Variants in MYO10 observed in about 807,000 individuals in gnomAD.
MYO10 encodes unconventional myosin-X.
In MYO10, 133 loss-of-function variants were observed where a neutral mutation model predicts 257.3. The ratio of observed to expected loss-of-function variants is 0.52; its 90% CI spans 0.45 to 0.60. MYO10 has a LOEUF of 0.60. Among genes scored for constraint, MYO10 ranks in the 20% least tolerant of loss-of-function variants. MYO10 has a pLI of 0.00. For missense variants in MYO10, 2,399 were observed against 2,635.7 expected, an observed-to-expected ratio of 0.91 and a Z score of 1.97; for synonymous variants, 1,104 against 1,028.6, an observed-to-expected ratio of 1.07 and a Z score of -1.40.
chr5:16,798,798 A>AG, intron 3 of MYO10, among the ~76,000 whole-genome samples: 1 of 152,262 alleles, frequency 6.6e-6, no homozygotes, highest in East Asian at 1.9e-4. Context: ...GCAGCCAGGT[A>AG]GGTCAGAGGA....
chr5:16,700,906 C>A (rs1409748764), intron 25 of MYO10, 57 bp downstream of exon 25: 29 of 1,478,506 alleles, frequency 2.0e-5, no homozygotes, highest in Non-Finnish European at 2.6e-5. Flanking sequence ...GAGGATGCAA[C>A]AGGGGTGGGT....
chr5:16,686,952 T>A (rs528471098), intron 28 of MYO10, among the ~76,000 whole-genome samples: 88 of 152,270 alleles, frequency 5.8e-4, no homozygotes, highest in African/African-American at 2.0e-3. Flanking sequence ...AGTAGAAAAC[T>A]ATTTTGACCA....
At chr5:16,930,241 C>G (rs1315975588) in intron 1 of MYO10, among the ~76,000 whole-genome samples, 1 of 152,038 alleles carries the variant, frequency 6.6e-6, no homozygotes, top group African/African-American at 2.4e-5. Context: ...GAGACGGTTT[C>G]AAAAAGGAGC....
In MYO10 at chr5:16,756,959, G is replaced by A. The variant is rs951756995; in HGVS notation, c.1848+1159C>T. On this transcript the variant is annotated intron_variant, in intron 18 of 40. Transcript: ENST00000513610. The stretch of plus-strand genomic sequence containing the variant: ...CAGTAAAACATCTAAAAATTAGCCG[G>A]GTATGAAAAATTAGCCATGCGTAAT... Among the ~76,000 whole-genome samples, 6 of 151,426 alleles carry A rather than the reference G, an allele frequency of 4.0e-5. No individual in the cohort carries two copies. The Admixed American group carries it at 4.0e-4, about 10-fold the overall frequency.
At chr5:16,731,067 ACTGAGTCTCGCT>A (rs1167687229) in intron 19 of MYO10, among the ~76,000 whole-genome samples, 1 of 143,992 alleles carries the variant, frequency 6.9e-6, no homozygotes, top group African/African-American at 2.7e-5. Context: ...TTTTTTGGAG[ACTGAGTCTCGCT>A]CTGTCGCCCA....
chr5:16,852,264 AC>A (rs1173340414), intron 2 of MYO10, among the ~76,000 whole-genome samples: 8 of 151,744 alleles, frequency 5.3e-5, no homozygotes, highest in Non-Finnish European at 1.2e-4. Flanking sequence ...GCACAAAGAA[AC>A]AAAAAGTATA....
intron 1 of MYO10, among the ~76,000 whole-genome samples, chr5:16,930,863 A>ACGCTTAAT (rs1418722472): frequency 6.4e-4 from 98 of 152,278 alleles, no homozygotes; most frequent in African/African-American, 2.3e-3. Flanking sequence ...GCAAGGGGAA[A>ACGCTTAAT]CGCTTAATCC....
intron 1 of MYO10, among the ~76,000 whole-genome samples, chr5:16,926,681 G>A (rs2625184): frequency 0.45 from 68,076 of 149,982 alleles, 15,786 homozygotes; most frequent in African/African-American, 0.53. Flanking sequence ...CAGCCTGGGC[G>A]AAAGAGGAAG....
In MYO10 at chr5:16,704,584, TAAG is replaced by T. The variant is rs1446751311; in HGVS notation, c.2268_2270del (p.Phe756del). Reference sequence around the variant, plus strand: ...CCTCAGCGTGGGGTTCTTACCGTGCTAAGAAGCCCAAGACATGGGCCCGAATCA... The same window carrying T: ...CCTCAGCGTGGGGTTCTTACCGTGCTAAGCCCAAGACATGGGCCCGAATCA... On this transcript the variant is annotated inframe_deletion, in exon 22 of 41. Transcript: ENST00000513610. 1 of 1,613,750 alleles carries T rather than the reference TAAG, an allele frequency of 6.2e-7. No homozygotes were observed. The highest frequency in any genetic ancestry group is 8.5e-7 in the Non-Finnish European group (1 of 1,179,788).
intron 10 of MYO10, 35 bp from the exon 11 acceptor site, chr5:16,766,233 C>T (rs759546543): frequency 7.9e-5 from 120 of 1,528,154 alleles, no homozygotes; most frequent in Non-Finnish European, 1.0e-4. Context: ...ATGAACCCAC[C>T]GCCCCCAAGA....
Position 16,887,629 on chromosome 5 carries a change from T to C in MYO10, c.22-9922A>G, listed in dbSNP as rs988703043. On this transcript the variant is annotated intron_variant, in intron 1 of 40. Transcript: ENST00000513610. Reference sequence around the variant, plus strand: ...CCTCAGCCTCCCAAGTAGCTGGGGCTACAGGTGCGCACCACCACACTGGGC... The same window carrying C: ...CCTCAGCCTCCCAAGTAGCTGGGGCCACAGGTGCGCACCACCACACTGGGC... Among the ~76,000 whole-genome samples the C allele has an allele frequency of 3.3e-4, 50 of 152,312 alleles. 1 individual carries two copies. Among genetic ancestry groups the C allele is most frequent in the African/African-American group, 1.2e-3 (50 of 41,564 alleles).
At chr5:16,806,913 T>G (rs961040771) in intron 3 of MYO10, among the ~76,000 whole-genome samples, 1 of 152,206 alleles carries the variant, frequency 6.6e-6, no homozygotes, top group Non-Finnish European at 1.5e-5. Context: ...ATGACCGCTA[T>G]GTGCTACAGA....
At chr5:16,852,782 C>G (rs957127065) in intron 2 of MYO10, among the ~76,000 whole-genome samples, 1 of 152,088 alleles carries the variant, frequency 6.6e-6, no homozygotes, top group Non-Finnish European at 1.5e-5. Flanking sequence ...ACTAAATGAT[C>G]TGGAAAGTCC....
In MYO10 at chr5:16,769,110, T is replaced by C; in HGVS notation, c.1024A>G (p.Ile342Val). 1 of 1,612,184 alleles carries C rather than the reference T, an allele frequency of 6.2e-7. No homozygotes were observed. Among genetic ancestry groups the C allele is most frequent in the African/African-American group, 1.3e-5 (1 of 74,982 alleles). Residue 342 changes from isoleucine to valine, a missense_variant, in exon 10 of 41, where the codon ATC becomes GTC. By Grantham distance (29) the Ile-to-Val change is conservative (BLOSUM62 3). Around this residue, in one of 3 missense-constraint regions of MYO10, gnomAD observed 337 missense variants for 446.8 expected, o/e 0.75. Coordinates refer to ENST00000513610, the MANE Select transcript of MYO10 (RefSeq NM_012334.3). Reference sequence around the variant, plus strand: ...GAAACCTGTGCCCCACCAGCAGTGATAAATTCTATGTTCCCAAGATGCAGT... The same window carrying C: ...GAAACCTGTGCCCCACCAGCAGTGACAAATTCTATGTTCCCAAGATGCAGT... ...GILHLGNIEF[I>V]TAGGAQVSFK... is the part of the protein sequence containing the mutation.
intron 2 of MYO10, among the ~76,000 whole-genome samples, chr5:16,849,865 T>C (rs1743748528): frequency 6.6e-6 from 1 of 152,144 alleles, no homozygotes; most frequent in Non-Finnish European, 1.5e-5. Context: ...CAAAAGAAAT[T>C]AAGATGGCAG....
At chr5:16,763,617 A>T (rs1579963234) in intron 13 of MYO10, 38 bp downstream of exon 13, 1 of 1,142,196 alleles carries the variant, frequency 8.8e-7, no homozygotes, top group Non-Finnish European at 1.2e-6. Context: ...TTGCTGCTTT[A>T]AAAAAAAAAA....
intron 2 of MYO10, among the ~76,000 whole-genome samples, chr5:16,855,386 C>G (rs1370691581): frequency 1.3e-5 from 2 of 152,100 alleles, no homozygotes; most frequent in Non-Finnish European, 2.9e-5. Context: ...ATCCATGAGG[C>G]CCATGTATTA....
chr5:16,677,023 G>A (rs1201347627), intron 33 of MYO10, among the ~76,000 whole-genome samples: 1 of 151,808 alleles, frequency 6.6e-6, no homozygotes, highest in Non-Finnish European at 1.5e-5. Context: ...ATATTCTTGG[G>A]GAGACTGTCC....
intron 1 of MYO10, among the ~76,000 whole-genome samples, chr5:16,887,553 T>G (rs1168069973): frequency 2.0e-5 from 3 of 152,206 alleles, no homozygotes; most frequent in African/African-American, 7.2e-5. Context: ...TGCAGTGGCA[T>G]GATCTCGGCT....
Sources: allele counts gnomAD v4.1 joint callset (sites outside exome capture counted in the v4.1 genomes callset), GRCh38; gene constraint gnomAD v4.1.1; regional missense constraint gnomAD v4.1.1; transcripts MANE v1.5; gene names NCBI Gene and HGNC (gene_info 2026-07-23, HGNC 2026-07-21).